The following TRPM3 variants were observed in gnomAD, a reference collection of about 807,000 sequenced individuals.
TRPM3 encodes the protein long transient receptor potential channel 3.
TRPM3 carries 77 observed loss-of-function variants against 181.2 expected under a neutral mutation model. That is an observed-to-expected ratio of 0.42 (90% CI 0.35 to 0.51). The LOEUF (loss-of-function observed/expected upper bound fraction) is 0.51. Among genes scored for constraint, TRPM3 ranks in the 20% least tolerant of loss-of-function variants. The probability of loss-of-function intolerance (pLI) is 0.01; values close to 1 mark genes in which losing one functional copy is unlikely to be tolerated. For synonymous variants in TRPM3, 745 were observed against 796.4 expected (o/e 0.94, Z 1.09); for missense variants, 1,759 against 2,196.7 (o/e 0.80, Z 3.98).
At chr9:71,141,587 C>G (rs1038341286) in intron 1 of TRPM3, among the ~76,000 whole-genome samples, 2 of 152,098 alleles carry the variant, frequency 1.3e-5, no homozygotes, top group Non-Finnish European at 2.9e-5. Flanking sequence ...CAAACACACA[C>G]CTGAAATATT....
chr9:70,946,788 A>G (rs2096938227), intron 1 of TRPM3, among the ~76,000 whole-genome samples: 2 of 152,094 alleles, frequency 1.3e-5, no homozygotes, highest in Non-Finnish European at 2.9e-5. Context: ...CAATACACAG[A>G]ATAGTCTTGC....
chr9:70,634,479 T>C (rs2066510018), intron 12 of TRPM3, among the ~76,000 whole-genome samples: 1 of 152,216 alleles, frequency 6.6e-6, no homozygotes, highest in Non-Finnish European at 1.5e-5. Flanking sequence ...TAAGATGCAC[T>C]GAAAGTATGC....
At chr9:71,337,938 G>C (rs751283962) in intron 1 of TRPM3, among the ~76,000 whole-genome samples, 11 of 152,072 alleles carry the variant, frequency 7.2e-5, no homozygotes, top group African/African-American at 1.4e-4. Flanking sequence ...GTTGCAGGGT[G>C]GGGGGCCAGG....
intron 1 of TRPM3, among the ~76,000 whole-genome samples, chr9:71,217,893 A>T (rs1267458006): frequency 6.6e-6 from 1 of 152,152 alleles, no homozygotes; most frequent in Admixed American, 6.5e-5. Flanking sequence ...CTCTTCCAGG[A>T]CTCAACTCAC....
intron 6 of TRPM3, among the ~76,000 whole-genome samples, chr9:70,810,682 A>T (rs891459998): frequency 6.6e-6 from 1 of 152,042 alleles, no homozygotes; most frequent in Non-Finnish European, 1.5e-5. Context: ...GAGCCTTTTT[A>T]AAAAAATGAG....
intron 1 of TRPM3, among the ~76,000 whole-genome samples, chr9:70,991,982 A>C (rs2097491055): frequency 6.6e-6 from 1 of 152,174 alleles, no homozygotes; most frequent in African/African-American, 2.4e-5. Flanking sequence ...AGCTCCAGGT[A>C]GCCTCCCTCT....
chr9:71,147,898 T>C (rs1435061563), intron 1 of TRPM3, among the ~76,000 whole-genome samples: 1 of 152,132 alleles, frequency 6.6e-6, no homozygotes, highest in Admixed American at 6.6e-5. Context: ...CATTTCTTTT[T>C]CCAGAATCTA....
chr9:71,138,708 A>AT lies in TRPM3; in HGVS notation c.184-274198dup, dbSNP rs1381168062. 7.9e-5 allele frequency among the ~76,000 whole-genome samples: 12 copies of AT among 152,276 alleles called. 1 individual carries two copies. The highest frequency in any genetic ancestry group is 6.2e-4 in the South Asian group (3 of 4,828). On this transcript the variant is annotated intron_variant, in intron 1 of 24. Transcript: ENST00000357533. ...AATAATATGTCTGGATTACAATCCC[A>AT]TTTTTTCCCAATAGTCAACTATTTA...
At chr9:70,597,491 GA>G (rs959962117) in intron 21 of TRPM3, among the ~76,000 whole-genome samples, 3 of 152,236 alleles carry the variant, frequency 2.0e-5, no homozygotes, top group Non-Finnish European at 4.4e-5. Context: ...GAGAACTGAT[GA>G]AAAGTACCCA....
chr9:70,828,147 C>T (rs1379327677), intron 5 of TRPM3, 129 bp from the exon 6 acceptor site: 1 of 908,670 alleles, frequency 1.1e-6, no homozygotes, highest in Non-Finnish European at 1.6e-6. Flanking sequence ...GTACAGTCTA[C>T]ATCTTCTTCT....
At chr9:71,091,719 C>T (rs992600053) in intron 1 of TRPM3, among the ~76,000 whole-genome samples, 1 of 152,058 alleles carries the variant, frequency 6.6e-6, no homozygotes, top group Non-Finnish European at 1.5e-5. Context: ...TTTCAGCTTG[C>T]AACCAGTCAT....
chr9:71,132,432 C>T (rs973812204), intron 1 of TRPM3, among the ~76,000 whole-genome samples: 5 of 152,102 alleles, frequency 3.3e-5, no homozygotes, highest in Admixed American at 3.3e-4. Context: ...ACAAAAGTGA[C>T]AGAAAGCAGA....
At chr9:71,212,497 T>A (rs960705127) in intron 1 of TRPM3, among the ~76,000 whole-genome samples, 11 of 152,204 alleles carry the variant, frequency 7.2e-5, no homozygotes, top group Non-Finnish European at 1.0e-4. Flanking sequence ...AACAAATTAA[T>A]CTCTTTACCA....
chr9:71,041,828 C>G (rs1240463988), intron 1 of TRPM3, among the ~76,000 whole-genome samples: 1 of 152,110 alleles, frequency 6.6e-6, no homozygotes, highest in Non-Finnish European at 1.5e-5. Flanking sequence ...CCTCTATATT[C>G]AAAACAGAAC....
intron 25 of TRPM3, 131 bp downstream of exon 25, chr9:70,549,411 G>T: frequency 1.6e-6 from 2 of 1,212,508 alleles, no homozygotes; most frequent in Non-Finnish European, 2.3e-6. Context: ...TCTCTCATAA[G>T]CTCCATGATT....
chr9:70,856,366 T>C (rs10868914), intron 3 of TRPM3, among the ~76,000 whole-genome samples: 55,409 of 151,926 alleles, frequency 0.36, 10,508 homozygotes, highest in Non-Finnish European at 0.39. Flanking sequence ...AACCTTACCG[T>C]GTATGTAAAG....
At chr9:71,250,033 C>A (rs889533996) in intron 1 of TRPM3, among the ~76,000 whole-genome samples, 2 of 152,156 alleles carry the variant, frequency 1.3e-5, no homozygotes, top group Non-Finnish European at 2.9e-5. Flanking sequence ...GGCTTGATAA[C>A]TCCTCATTGA....
intron 8 of TRPM3, among the ~76,000 whole-genome samples, chr9:70,748,183 T>C (rs1364236341): frequency 6.6e-6 from 1 of 151,972 alleles, no homozygotes; most frequent in Admixed American, 6.6e-5. Flanking sequence ...CTATAGAAAA[T>C]TTACTAAAAA....
chr9:71,073,689 G>A (rs964699434), intron 1 of TRPM3, among the ~76,000 whole-genome samples: 10 of 151,824 alleles, frequency 6.6e-5, no homozygotes, highest in African/African-American at 9.7e-5. Context: ...CTTGCATTGC[G>A]TAATATTAAA....
Sources: allele counts gnomAD v4.1 joint callset (sites outside exome capture counted in the v4.1 genomes callset), GRCh38; gene constraint gnomAD v4.1.1; transcripts MANE v1.5; gene names NCBI Gene and HGNC (gene_info 2026-07-23, HGNC 2026-07-21).